Variants in MBD5 observed in about 807,000 individuals in gnomAD.
MBD5 encodes methyl-CpG-binding domain protein 5.
A neutral mutation model predicts 117.3 loss-of-function variants in MBD5; 13 were observed. The ratio of observed to expected loss-of-function variants is 0.11; its 90% CI spans 0.07 to 0.18. The LOEUF (loss-of-function observed/expected upper bound fraction) is 0.18, where lower values mean the gene tolerates loss of function less well. Among genes scored for constraint, MBD5 ranks in the 10% least tolerant of loss-of-function variants. The probability of loss-of-function intolerance (pLI) is 1.00; values close to 1 mark genes in which losing one functional copy is unlikely to be tolerated. For synonymous variants in MBD5, 727 were observed against 766.4 expected (o/e 0.95, Z 0.85); for missense variants, 1,879 against 2,093.8 (o/e 0.90, Z 2.00).
chr2:148,204,368 A>G (rs1032617660), intron 2 of MBD5, among the ~76,000 whole-genome samples: 5 of 152,214 alleles, frequency 3.3e-5, no homozygotes, highest in African/African-American at 1.2e-4. Flanking sequence ...ATGTATATAG[A>G]TAGACTGAGA....
rs1223679930 is a variant in MBD5, at chr2:148,469,543, A to G, written c.1600A>G (p.Asn534Asp). The G allele has an allele frequency of 1.9e-6, 3 of 1,613,820 alleles. No homozygotes were observed. Among genetic ancestry groups the G allele is most frequent in the Non-Finnish European group, 2.5e-6 (3 of 1,179,920 alleles). The change falls in exon 8 of 14, where the codon AAT (asparagine) becomes GAT (aspartate). Residue 534 changes from asparagine to aspartate, a missense_variant. Asn to Asp is a conservative substitution (Grantham distance 23, BLOSUM62 1). Around this residue, in one of 4 missense-constraint regions of MBD5, gnomAD observed 1,666 missense variants for 1,792.2 expected, o/e 0.93. Transcript: ENST00000642680. ...PLIAGISNVL[N>D]TPSSAAFPTA... ...AATTGCTGGAATAAGTAATGTACTA[A>G]ATACCCCAAGCAGTGCAGCTTTTCC...
At chr2:148,221,789 G>C (rs1260738512) in intron 2 of MBD5, among the ~76,000 whole-genome samples, 2 of 151,850 alleles carry the variant, frequency 1.3e-5, no homozygotes, top group Non-Finnish European at 2.9e-5. Flanking sequence ...TTTTTGTTTT[G>C]ATTGCCTGTG....
At chr2:148,147,433 G>A (rs1489968519) in intron 1 of MBD5, among the ~76,000 whole-genome samples, 2 of 151,246 alleles carry the variant, frequency 1.3e-5, no homozygotes, top group Non-Finnish European at 2.9e-5. Context: ...GTAGAGACGA[G>A]GTTTCACCAT....
intron 4 of MBD5, among the ~76,000 whole-genome samples, chr2:148,424,763 A>C (rs1054908223): frequency 8.5e-5 from 13 of 152,216 alleles, no homozygotes; most frequent in African/African-American, 3.1e-4. Context: ...TGAACACTGA[A>C]CAACCTGCTC....
intron 4 of MBD5, among the ~76,000 whole-genome samples, chr2:148,390,464 T>C (rs1704533120): frequency 6.6e-6 from 1 of 150,972 alleles, no homozygotes; most frequent in South Asian, 2.1e-4. Flanking sequence ...TATATATATG[T>C]GTGTGTATAT....
intron 8 of MBD5, among the ~76,000 whole-genome samples, chr2:148,474,233 C>T (rs1680885762): frequency 6.6e-6 from 1 of 152,108 alleles, no homozygotes; most frequent in South Asian, 2.1e-4. Context: ...CTTCAAAATG[C>T]CCAGGCCTCT....
chr2:148,160,611 G>T (rs1452082636), intron 1 of MBD5, among the ~76,000 whole-genome samples: 3 of 152,150 alleles, frequency 2.0e-5, no homozygotes, highest in Non-Finnish European at 4.4e-5. Flanking sequence ...TGTTGAGTAG[G>T]ATCATTTCAA....
chr2:148,455,889 G>C (rs772809920), intron 4 of MBD5, among the ~76,000 whole-genome samples: 31 of 152,022 alleles, frequency 2.0e-4, no homozygotes, highest in Non-Finnish European at 2.9e-4. Context: ...AAAAGGGACT[G>C]TAAAAAAAAC....
At chr2:148,059,451 T>G (rs979097491) in intron 1 of MBD5, among the ~76,000 whole-genome samples, 1 of 152,198 alleles carries the variant, frequency 6.6e-6, no homozygotes, top group African/African-American at 2.4e-5. Flanking sequence ...ATGCATTAGT[T>G]TATTGGAAAT....
intron 3 of MBD5, among the ~76,000 whole-genome samples, chr2:148,281,059 A>G (rs893805806): frequency 1.3e-5 from 2 of 152,148 alleles, no homozygotes; most frequent in Admixed American, 6.5e-5. Context: ...GTGTGGATAT[A>G]TTTTTATGGA....
intron 8 of MBD5, among the ~76,000 whole-genome samples, chr2:148,478,923 C>T (rs1407070397): frequency 6.6e-6 from 1 of 152,056 alleles, no homozygotes; most frequent in Non-Finnish European, 1.5e-5. Flanking sequence ...CAATTAAGCA[C>T]AAAATATCTT....
intron 2 of MBD5, among the ~76,000 whole-genome samples, chr2:148,198,677 A>G (rs1167956038): frequency 3.3e-5 from 5 of 152,056 alleles, no homozygotes; most frequent in African/African-American, 1.2e-4. Flanking sequence ...ATGGCAAGGA[A>G]AAAAGCTTAT....
At chr2:148,417,892 T>G (rs531559936) in intron 4 of MBD5, among the ~76,000 whole-genome samples, 62 of 152,152 alleles carry the variant, frequency 4.1e-4, no homozygotes, top group African/African-American at 1.5e-3. Flanking sequence ...CATTCTGGAA[T>G]ACAGTGGAGT....
intron 1 of MBD5, among the ~76,000 whole-genome samples, chr2:148,138,773 A>C (rs1697233635): frequency 6.6e-6 from 1 of 152,054 alleles, no homozygotes; most frequent in Non-Finnish European, 1.5e-5. Flanking sequence ...GGTAACTCAA[A>C]TCCCCAAATT....
At chr2:148,187,246 T>TA (rs1698684218) in intron 2 of MBD5, among the ~76,000 whole-genome samples, 1 of 151,276 alleles carries the variant, frequency 6.6e-6, no homozygotes, top group Non-Finnish European at 1.5e-5. Flanking sequence ...AACGAGTAAG[T>TA]AAAGTAAAGT....
intron 4 of MBD5, among the ~76,000 whole-genome samples, chr2:148,440,927 C>T (rs1191200887): frequency 1.3e-5 from 2 of 152,062 alleles, no homozygotes; most frequent in Non-Finnish European, 2.9e-5. Context: ...AAGTTTAGTG[C>T]AACAGAATAC....
At chr2:148,346,038 C>A (rs1045180457) in intron 4 of MBD5, 4 of 151,924 alleles carry the variant, frequency 2.6e-5, no homozygotes, top group Admixed American at 1.3e-4. Context: ...CACAGACACA[C>A]CCAGGATTAA....
chr2:148,310,089 T>C (rs564906302), intron 3 of MBD5, among the ~76,000 whole-genome samples: 1 of 152,314 alleles, frequency 6.6e-6, no homozygotes, highest in Non-Finnish European at 1.5e-5. Flanking sequence ...TCATCAGGGA[T>C]ATTGGCCTGA....
At chr2:148,189,464 C>G (rs1386855478) in intron 2 of MBD5, among the ~76,000 whole-genome samples, 1 of 137,486 alleles carries the variant, frequency 7.3e-6, no homozygotes, top group Non-Finnish European at 1.6e-5. Context: ...CCCCGAGCAG[C>G]CTAACTGGGA....
Sources: gnomAD v4.1 joint callset for allele counts (sites outside exome capture counted in the v4.1 genomes callset) on GRCh38, gnomAD v4.1.1 for gene constraint, gnomAD v4.1.1 regional missense constraint, MANE v1.5 for transcripts, NCBI Gene and HGNC (gene_info 2026-07-23, HGNC 2026-07-21) for gene names.